The following CLASP1 variants were observed in gnomAD, a reference collection of about 807,000 sequenced individuals.
CLASP1 encodes the protein cytoplasmic linker associated protein 1.
CLASP1 carries 38 observed loss-of-function variants against 192.3 expected under a neutral mutation model. The ratio of observed to expected loss-of-function variants is 0.20; its 90% confidence interval spans 0.15 to 0.26. The LOEUF (loss-of-function observed/expected upper bound fraction) is 0.26, where lower values mean the gene tolerates loss of function less well. CLASP1 is among the 10% of genes least tolerant of loss of function. The pLI is 1.00. For missense variants in CLASP1, 1,433 were observed against 1,932.5 expected, an observed-to-expected ratio of 0.74 and a Z score of 4.85; for synonymous variants, 691 against 712.8, an observed-to-expected ratio of 0.97 and a Z score of 0.49.
At chr2:121,511,723 G>T (rs2094141892) in intron 7 of CLASP1, among the ~76,000 whole-genome samples, 1 of 152,084 alleles carries the variant, frequency 6.6e-6, no homozygotes, top group Non-Finnish European at 1.5e-5. Flanking sequence ...ATAACAAAAG[G>T]ATCAATAAAA....
At chr2:121,441,654 G>A (rs2083364293) in intron 19 of CLASP1, among the ~76,000 whole-genome samples, 1 of 152,082 alleles carries the variant, frequency 6.6e-6, no homozygotes, top group Admixed American at 6.5e-5. Context: ...TGAGGCAGGA[G>A]GATCACTTGA....
chr2:121,567,191 T>G (rs1400930228), intron 2 of CLASP1, among the ~76,000 whole-genome samples: 2 of 152,220 alleles, frequency 1.3e-5, no homozygotes, highest in Non-Finnish European at 2.9e-5. Flanking sequence ...TTAGCTACTT[T>G]CATTATCCTC....
chr2:121,348,635 G>A (rs776568725), exon 38 of CLASP1: 11 of 1,613,846 alleles, frequency 6.8e-6, no homozygotes, highest in South Asian at 2.2e-5. Flanking sequence ...CCGTCTGGAT[G>A]ATGGGGCAGA....
intron 8 of CLASP1, among the ~76,000 whole-genome samples, chr2:121,488,229 A>C (rs2093098722): frequency 6.6e-6 from 1 of 152,200 alleles, no homozygotes; most frequent in African/African-American, 2.4e-5. Flanking sequence ...TATCTACACA[A>C]AAAGATCAAC....
At chr2:121,452,633 AT>A (rs2085735477) in intron 14 of CLASP1, among the ~76,000 whole-genome samples, 1 of 152,232 alleles carries the variant, frequency 6.6e-6, no homozygotes, top group Middle Eastern at 3.4e-3. Context: ...TCTACTAAAA[AT>A]ACAAAAATTA....
At chr2:121,540,828 T>C (rs569155410) in intron 2 of CLASP1, among the ~76,000 whole-genome samples, 2 of 150,086 alleles carry the variant, frequency 1.3e-5, no homozygotes, top group Non-Finnish European at 3.0e-5. Context: ...TTAAGGTGCA[T>C]ATTTAGATAA....
At chr2:121,415,401 C>A (rs569175797) in intron 23 of CLASP1, among the ~76,000 whole-genome samples, 1 of 152,276 alleles carries the variant, frequency 6.6e-6, no homozygotes, top group African/African-American at 2.4e-5. Context: ...CTGGTGGTGG[C>A]AGTAACAGTT....
rs1576409905 is a variant in CLASP1 at position 121,606,302 on chromosome 2, G to C, written c.-285-122C>G. ...AGAATCATTTATAATCACAAGCAGA[G>C]CGAGAAGCATGAACGGCTTGGCAAC... On this transcript the variant is annotated intron_variant, in intron 1 of 39. Coordinates refer to ENST00000263710, the Ensembl canonical transcript of CLASP1. 1.4e-5 allele frequency: 4 copies of C among 293,266 alleles called. No individual in the cohort carries two copies. The East Asian group carries it at 2.2e-4, about 16-fold the overall frequency. The allele number at this position is 293,266 out of a possible 1,614,324, so 18.2% of individuals were successfully genotyped here. A position where few individuals can be genotyped will look rare whatever the true frequency, so the allele number is the denominator to read the frequency against.
chr2:121,365,635 ACT>A (rs2067260064), intron 35 of CLASP1, among the ~76,000 whole-genome samples: 1 of 151,662 alleles, frequency 6.6e-6, no homozygotes, highest in African/African-American at 2.4e-5. Context: ...ATTTTCTGAA[ACT>A]CTCTCCCACT....
chr2:121,589,872 ACAAATAGACC>A (rs1289518390), intron 2 of CLASP1, among the ~76,000 whole-genome samples: 1 of 152,022 alleles, frequency 6.6e-6, no homozygotes, highest in Non-Finnish European at 1.5e-5. Context: ...TTAAACAACA[ACAAATAGACC>A]CAAATAGATC....
chr2:121,361,799 G>A (rs772457347), intron 37 of CLASP1, among the ~76,000 whole-genome samples: 18 of 152,148 alleles, frequency 1.2e-4, no homozygotes, highest in Non-Finnish European at 1.9e-4. Context: ...TAAATGAAAA[G>A]TGCTTTGTTC....
chr2:121,431,473 G>C (rs1315632474), intron 19 of CLASP1, among the ~76,000 whole-genome samples: 1 of 151,982 alleles, frequency 6.6e-6, no homozygotes, highest in Non-Finnish European at 1.5e-5. Context: ...TGGCTGACTG[G>C]GAAGCCTATG....
At chr2:121,644,966 CAA>C (rs74265895) in intron 1 of CLASP1, among the ~76,000 whole-genome samples, 1 of 112,670 alleles carries the variant, frequency 8.9e-6, no homozygotes, top group African/African-American at 2.9e-5. Context: ...AAAAAAAAAA[CAA>C]AAAAAAAAAA....
At chr2:121,535,691 C>T (rs538866579) in intron 2 of CLASP1, among the ~76,000 whole-genome samples, 1 of 151,914 alleles carries the variant, frequency 6.6e-6, no homozygotes, top group South Asian at 2.1e-4. Context: ...CTCTGTCACC[C>T]AGGCTGGAGT....
chr2:121,646,176 G>A (rs544420916), intron 1 of CLASP1, among the ~76,000 whole-genome samples: 5 of 152,246 alleles, frequency 3.3e-5, no homozygotes, highest in East Asian at 1.9e-4. Context: ...GCAGTGGCAC[G>A]ATTTCGGCTC....
At position 121,489,579 on chromosome 2, in the gene CLASP1, T is replaced by C. The variant is rs552075418; in HGVS notation, c.712+13588A>G. 2.6e-4 allele frequency among the ~76,000 whole-genome samples: 39 copies of C among 152,314 alleles called. No homozygotes were observed. The South Asian group carries it at 8.1e-3, about 32-fold the overall frequency. On this transcript the variant is annotated intron_variant, in intron 8 of 39. Transcript: ENST00000263710. ...TAGGAAAGCAAGACAGTGATACAGG[T>C]TGTTCCCATCACATCAACTGTACCC... is the stretch of plus-strand genomic sequence containing the variant.
intron 2 of CLASP1, among the ~76,000 whole-genome samples, chr2:121,600,359 A>G (rs909516794): frequency 6.6e-6 from 1 of 152,230 alleles, no homozygotes; most frequent in African/African-American, 2.4e-5. Context: ...CCAAGAGATT[A>G]TCTAGTCTAA....
At chr2:121,521,969 A>G (rs1269226242) in intron 6 of CLASP1, among the ~76,000 whole-genome samples, 1 of 152,226 alleles carries the variant, frequency 6.6e-6, no homozygotes, top group African/African-American at 2.4e-5. Flanking sequence ...AGTAGGAAAG[A>G]TTAATGAAAA....
At chr2:121,547,735 A>G (rs1374166004) in intron 2 of CLASP1, among the ~76,000 whole-genome samples, 2 of 152,106 alleles carry the variant, frequency 1.3e-5, no homozygotes, top group Non-Finnish European at 2.9e-5. Flanking sequence ...AATACGGGGG[A>G]GCCACACAAC....
Sources: allele counts gnomAD v4.1 joint callset (sites outside exome capture counted in the v4.1 genomes callset), GRCh38; gene constraint gnomAD v4.1.1; transcripts MANE v1.5; gene names NCBI Gene and HGNC (gene_info 2026-07-23, HGNC 2026-07-21).